The following RUSC2 variants were observed in gnomAD, a reference collection of about 807,000 sequenced individuals.
RUSC2 encodes the protein RUN and SH3 domain containing 2.
Under a neutral mutation model 122.2 loss-of-function variants are expected in RUSC2, and 34 were observed. That is an observed-to-expected ratio of 0.28 (90% CI 0.21 to 0.37). The LOEUF (loss-of-function observed/expected upper bound fraction) is 0.37, where lower values mean the gene tolerates loss of function less well. Ranked by LOEUF, RUSC2 falls within the 10% of genes least tolerant of loss-of-function variation. The pLI, the probability that RUSC2 is intolerant of heterozygous loss-of-function variation, is 1.00. For synonymous variants in RUSC2, 784 were observed against 790.0 expected, an observed-to-expected ratio of 0.99 and a Z score of 0.13; for missense variants, 1,747 against 1,952.4, an observed-to-expected ratio of 0.89 and a Z score of 1.98.
Position 35,555,440 on chromosome 9 carries a change from A to G in RUSC2, c.2395A>G (p.Thr799Ala). ...GCCCAGCACTGACTCTTCTGCCTCC[A>G]CTTCGTGCTCCCCTCCCCCAGAGCA... ...FGPSTDSSAS[T>A]SCSPPPEQPT... is the part of the protein sequence containing the mutation. Residue 799 changes from threonine to alanine, a missense_variant, in exon 3 of 12, where the codon ACT becomes GCT. Coordinates refer to ENST00000361226, the MANE Select transcript of RUSC2 (RefSeq NM_014806.5). The surrounding 1 kb of genome is among the most constrained non-coding windows in gnomAD (Gnocchi z 4.6). 1 of 1,614,006 alleles carries G rather than the reference A, an allele frequency of 6.2e-7. No individual in the cohort carries two copies. The highest frequency in any genetic ancestry group is 8.5e-7 in the Non-Finnish European group (1 of 1,179,988).
intron 1 of RUSC2, among the ~76,000 whole-genome samples, chr9:35,505,884 C>G (rs573628942): frequency 6.6e-6 from 1 of 152,288 alleles, no homozygotes; most frequent in South Asian, 2.1e-4. Flanking sequence ...CAGCTAACAT[C>G]ATTCTTAAGG....
At chr9:35,554,146 C>G (rs891901918) in intron 2 of RUSC2, among the ~76,000 whole-genome samples, 4 of 152,056 alleles carry the variant, frequency 2.6e-5, no homozygotes, top group Non-Finnish European at 5.9e-5. Context: ...CGCCATCTTA[C>G]GTTTATTCGG....
At chr9:35,526,608 G>A (rs2115983) in intron 1 of RUSC2, among the ~76,000 whole-genome samples, 1 of 151,926 alleles carries the variant, frequency 6.6e-6, no homozygotes, top group South Asian at 2.1e-4. Context: ...ACTATTAAAT[G>A]TATTGCATTC....
chr9:35,551,808 C>T (rs1257455953), intron 2 of RUSC2, among the ~76,000 whole-genome samples: 2 of 152,106 alleles, frequency 1.3e-5, no homozygotes, highest in African/African-American at 4.8e-5. Flanking sequence ...ACCTATAATC[C>T]CAGCACTTTG....
Position 35,547,294 on chromosome 9 carries a change from A to G in RUSC2, c.773A>G (p.Gln258Arg). Residue 258 changes from glutamine (Q) to arginine (R), a missense_variant, in exon 2 of 12, where the codon CAG becomes CGG. Gln to Arg is a conservative substitution (Grantham distance 43). Transcript: ENST00000361226. The surrounding 1 kb of genome is among the most constrained non-coding windows in gnomAD (Gnocchi z 4.6). ...QHCRCSSTSS[Q>R]SEAADQSMGY... ...TGCCGCTGCAGTAGCACATCCAGTC[A>G]GTCCGAGGCAGCTGACCAGTCCATG... The G allele has an allele frequency of 6.2e-7, 1 of 1,614,200 alleles. No individual in the cohort carries two copies. Among genetic ancestry groups the G allele is most frequent in the Non-Finnish European group, 8.5e-7 (1 of 1,180,022 alleles).
intron 1 of RUSC2, among the ~76,000 whole-genome samples, chr9:35,513,821 G>A (rs1821052547): frequency 6.7e-6 from 1 of 148,406 alleles, no homozygotes; most frequent in South Asian, 2.1e-4. Context: ...AGACCAGTGT[G>A]GGCAACATAG....
intron 1 of RUSC2, among the ~76,000 whole-genome samples, chr9:35,503,589 T>C (rs1413299564): frequency 2.0e-5 from 3 of 152,176 alleles, no homozygotes; most frequent in Non-Finnish European, 2.9e-5. Context: ...CTTTTTCATA[T>C]AGTGACTTCT....
intron 1 of RUSC2, among the ~76,000 whole-genome samples, chr9:35,534,419 TACACACACACACACAC>T (rs55836338): frequency 5.9e-4 from 83 of 141,022 alleles, no homozygotes; most frequent in Admixed American, 1.3e-3. Context: ...CTACAAATAA[TACACACACACACACAC>T]ACACACACAC....
chr9:35,560,390 G>A lies in RUSC2; in HGVS notation c.3750G>A (p.Val1250=), dbSNP rs1472153481. The part of the protein sequence containing the change: ...EEEEEEETEE[V]AEAAGGSGRA... ...AGGAAGAAGAGGAGACAGAAGAGGT[G>A]GCAGAGGCAGCCGGGGGCTCAGGGC... The change falls in exon 10 of 12, where the codon GTG becomes GTA. Residue 1250 remains valine, a synonymous_variant. Coordinates refer to ENST00000361226, the MANE Select transcript of RUSC2 (RefSeq NM_014806.5). The A allele has an allele frequency of 6.2e-7, 1 of 1,614,016 alleles. No individual in the cohort carries two copies. Among genetic ancestry groups the A allele is most frequent in the Admixed American group, 1.7e-5 (1 of 60,016 alleles).
rs778126253 is a variant in RUSC2 at position 35,546,753 on chromosome 9, G to T, written c.232G>T (p.Ala78Ser). Reference sequence around the variant, plus strand: ...CCTGCACTCTACTCCAGGAGGAACTGCACGGTCTATAGACAGCACCAAGAG... The same window carrying T: ...CCTGCACTCTACTCCAGGAGGAACTTCACGGTCTATAGACAGCACCAAGAG... ...SSLHSTPGGT[A>S]RSIDSTKSRS... The change falls in exon 2 of 12, where the codon GCA (alanine) becomes TCA (serine). Residue 78 changes from alanine to serine, a missense_variant. Ala to Ser is a moderately conservative substitution (Grantham distance 99, BLOSUM62 1). Coordinates refer to ENST00000361226, the MANE Select transcript of RUSC2 (RefSeq NM_014806.5). This position sits in a 1 kb window ranked among gnomAD's most constrained non-coding sequence, Gnocchi z 4.3. 6.3e-7 allele frequency: 1 copy of T among 1,587,244 alleles called. No individual in the cohort carries two copies. Among genetic ancestry groups the T allele is most frequent in the Non-Finnish European group, 8.6e-7 (1 of 1,167,562 alleles).
At chr9:35,549,126 C>T in intron 2 of RUSC2, 1 of 985,304 alleles carries the variant, frequency 1.0e-6, no homozygotes, top group Non-Finnish European at 1.2e-6. Flanking sequence ...AAGACTGATT[C>T]TGAACCTGGA....
intron 2 of RUSC2, among the ~76,000 whole-genome samples, chr9:35,554,146 C>T (rs891901918): frequency 2.0e-5 from 3 of 152,056 alleles, no homozygotes; most frequent in Non-Finnish European, 4.4e-5. Context: ...CGCCATCTTA[C>T]GTTTATTCGG....
At chr9:35,499,080 A>G (rs1820773366) in intron 1 of RUSC2, among the ~76,000 whole-genome samples, 1 of 152,162 alleles carries the variant, frequency 6.6e-6, no homozygotes. Flanking sequence ...TGAGGCCAGG[A>G]GTTCAAGACC....
intron 1 of RUSC2, among the ~76,000 whole-genome samples, chr9:35,496,136 G>A (rs184777321): frequency 5.4e-4 from 82 of 152,240 alleles, no homozygotes; most frequent in African/African-American, 1.9e-3. Flanking sequence ...CTTAGATCTA[G>A]ACAGAGTCCG....
chr9:35,513,378 G>A (rs773984014), intron 1 of RUSC2, among the ~76,000 whole-genome samples: 1 of 152,012 alleles, frequency 6.6e-6, no homozygotes, highest in African/African-American at 2.4e-5. Flanking sequence ...GAGCAGCTGG[G>A]ATTACAGACA....
rs1355246746 is a variant in RUSC2 at position 35,555,501 on chromosome 9, A to G, written c.2456A>G (p.His819Arg). Residue 819 changes from histidine to arginine, a missense_variant, in exon 3 of 12, where the codon CAC (histidine) becomes CGC (arginine). Transcript: ENST00000361226. This position sits in a 1 kb window ranked among gnomAD's most constrained non-coding sequence, Gnocchi z 4.6. ...ACAGAAAGCCTGCCCCCATGGAGCCACTCCTGTCCTTCTGCTGTCCGGCCT... is the reference window on the plus strand; with the variant it reads ...ACAGAAAGCCTGCCCCCATGGAGCCGCTCCTGTCCTTCTGCTGTCCGGCCT... ...TATESLPPWS[H>R]SCPSAVRPAT... 6.2e-7 allele frequency: 1 copy of G among 1,613,888 alleles called. No individual in the cohort carries two copies. The highest frequency in any genetic ancestry group is 2.2e-5 in the East Asian group (1 of 44,872).
chr9:35,561,346 A>T lies in RUSC2; in HGVS notation c.4515A>T (p.Pro1505=), dbSNP rs1370834726. The T allele has an allele frequency of 1.2e-6, 2 of 1,613,748 alleles. No individual in the cohort carries two copies. Among genetic ancestry groups the T allele is most frequent in the Non-Finnish European group, 1.7e-6 (2 of 1,179,906 alleles). Residue 1505 remains proline, a synonymous_variant, in exon 12 of 12, where the codon CCA becomes CCT. Coordinates refer to ENST00000361226, the MANE Select transcript of RUSC2 (RefSeq NM_014806.5). ...CCCTGGCCTACGTGACATTGACCCCAACTCCAAGTCCAACCCCTGGAAGCA... is the reference window on the plus strand; with the variant it reads ...CCCTGGCCTACGTGACATTGACCCCTACTCCAAGTCCAACCCCTGGAAGCA... ...LVPLAYVTLT[P]TPSPTPGSSQ...
At chr9:35,556,578 AC>A in intron 5 of RUSC2, 130 bp downstream of exon 5, 1 of 354,108 alleles carries the variant, frequency 2.8e-6, no homozygotes. Context: ...TAATCCCAGC[AC>A]TTTGGGAGGC....
chr9:35,528,511 T>C (rs4879903), intron 1 of RUSC2, among the ~76,000 whole-genome samples: 112,424 of 148,140 alleles, frequency 0.76, 43,514 homozygotes, highest in Non-Finnish European at 0.86. Context: ...ATTTGATACC[T>C]TTTTTTTTTT....
Sources: gnomAD v4.1 joint callset for allele counts (sites outside exome capture counted in the v4.1 genomes callset) on GRCh38, gnomAD v4.1.1 for gene constraint, Gnocchi (gnomAD v3.1) non-coding constraint, MANE v1.5 for transcripts, NCBI Gene and HGNC (gene_info 2026-07-23, HGNC 2026-07-21) for gene names.